Variants in THAP12 observed in about 807,000 individuals in gnomAD.
THAP12 encodes the protein THAP domain containing 12.
THAP12 carries 20 observed loss-of-function variants against 63.0 expected under a neutral mutation model. The observed-to-expected ratio is 0.32, with a 90% CI of 0.22 to 0.46. The LOEUF (loss-of-function observed/expected upper bound fraction) is 0.46. THAP12 is among the 20% of genes least tolerant of loss of function. The pLI is 1.00. For synonymous variants in THAP12, 264 were observed against 328.4 expected (o/e 0.80, Z 2.12); for missense variants, 568 against 908.2 (o/e 0.63, Z 4.81).
At chr11:76,365,779 C>A in intron 2 of THAP12, 73 bp downstream of exon 2, 1 of 1,512,836 alleles carries the variant, frequency 6.6e-7, no homozygotes, top group Non-Finnish European at 9.0e-7. Flanking sequence ...TAAATACTTA[C>A]ATTTCCAACC....
At chr11:76,360,661 A>G (rs530235193) in intron 3 of THAP12, among the ~76,000 whole-genome samples, 1 of 152,320 alleles carries the variant, frequency 6.6e-6, no homozygotes, top group East Asian at 1.9e-4. Flanking sequence ...TATGAAAGAA[A>G]AGGTAGCTTT....
intron 1 of THAP12, among the ~76,000 whole-genome samples, chr11:76,369,799 G>A (rs1946657505): frequency 6.6e-6 from 1 of 152,248 alleles, no homozygotes. Flanking sequence ...CCACCACTGG[G>A]GAAAAACGGG....
At chr11:76,358,979 A>G (rs1213750580) in intron 3 of THAP12, 5 of 152,222 alleles carry the variant, frequency 3.3e-5, no homozygotes, top group African/African-American at 1.2e-4. Context: ...CAAGACAGGC[A>G]ACAGAAAAAA....
intron 4 of THAP12, among the ~76,000 whole-genome samples, chr11:76,355,368 TGA>T (rs767821870): frequency 1.3e-5 from 2 of 152,226 alleles, no homozygotes; most frequent in Admixed American, 1.3e-4. Flanking sequence ...CCTACCACAC[TGA>T]GAGAGGAGGC....
At chr11:76,364,508 A>G (rs1478508390) in intron 2 of THAP12, 1 of 317,100 alleles carries the variant, frequency 3.2e-6, no homozygotes, top group Non-Finnish European at 6.3e-6. Context: ...GTCTATCCCA[A>G]TATCTGAGGT....
chr11:76,352,282 T>G lies in THAP12; in HGVS notation c.868A>C (p.Arg290=). Residue 290 remains arginine, a synonymous_variant, in exon 5 of 5, where the codon AGA becomes CGA. Transcript: ENST00000260045. ...VRFVDESHNL[R]EEFIGFLPYE... Reference sequence around the variant, plus strand: ...GGCAGGAAGCCTATAAATTCCTCTCTTAGGTTATGAGATTCATCAACAAAC... The same window carrying G: ...GGCAGGAAGCCTATAAATTCCTCTCGTAGGTTATGAGATTCATCAACAAAC... The G allele has an allele frequency of 4.3e-6, 7 of 1,611,856 alleles. No individual in the cohort carries two copies. Among genetic ancestry groups the G allele is most frequent in the Non-Finnish European group, 5.9e-6 (7 of 1,179,800 alleles).
chr11:76,380,648 C>A (rs1430300567), intron 1 of THAP12, 100 bp downstream of exon 1: 16 of 893,826 alleles, frequency 1.8e-5, no homozygotes, highest in Non-Finnish European at 2.2e-5. Context: ...CCGCCTCCTG[C>A]GCCCCTCTCA....
intron 3 of THAP12, 30 bp downstream of exon 3, chr11:76,360,926 G>A: frequency 7.0e-7 from 1 of 1,426,796 alleles, no homozygotes; most frequent in African/African-American, 1.4e-5. Flanking sequence ...TATGGGGGAA[G>A]GTGGGAAAGC....
chr11:76,352,493 C>A lies in THAP12; in HGVS notation c.657G>T (p.Arg219=). The A allele has an allele frequency of 6.2e-7, 1 of 1,612,026 alleles. No individual in the cohort carries two copies. The highest frequency in any genetic ancestry group is 8.5e-7 in the Non-Finnish European group (1 of 1,179,852). The change falls in exon 5 of 5, where the codon CGG becomes CGT. Residue 219 remains arginine, a synonymous_variant. Transcript: ENST00000260045. ...ACGTGTTAACTGCTGTTGTCTCAAA[C>A]CGCTTTCTCAGAACCTCTTCACCAG... ...INSGEEVLRK[R]FETTAVNTLF... is the part of the protein sequence containing the mutation.
At chr11:76,360,105 A>C (rs1946588597) in intron 3 of THAP12, among the ~76,000 whole-genome samples, 1 of 152,220 alleles carries the variant, frequency 6.6e-6, no homozygotes. Context: ...CTATAAGGAG[A>C]AAAAGTTATT....
At position 76,379,241 on chromosome 11, in the gene THAP12, A is replaced by G. The variant is rs138412265; in HGVS notation, c.89+1507T>C. 1.8e-4 allele frequency among the ~76,000 whole-genome samples: 27 copies of G among 152,268 alleles called. No homozygotes were observed. The East Asian group carries it at 4.8e-3, about 27-fold the overall frequency. On this transcript the variant is annotated intron_variant, in intron 1 of 4. Coordinates refer to ENST00000260045, the MANE Select transcript of THAP12 (RefSeq NM_004705.4). Reference sequence around the variant, plus strand: ...CACCTTCAAACCATATCTCAAATTTACCATCTCCTCCTCTATTAATCTGGA... The same window carrying G: ...CACCTTCAAACCATATCTCAAATTTGCCATCTCCTCCTCTATTAATCTGGA...
chr11:76,374,237 C>T (rs781640417), intron 1 of THAP12, among the ~76,000 whole-genome samples: 1 of 152,170 alleles, frequency 6.6e-6, no homozygotes, highest in Non-Finnish European at 1.5e-5. Context: ...GACCAATGAG[C>T]TTTTTCATGC....
chr11:76,367,224 G>A (rs2134509610), intron 1 of THAP12, among the ~76,000 whole-genome samples: 1 of 152,040 alleles, frequency 6.6e-6, no homozygotes, highest in South Asian at 2.1e-4. Flanking sequence ...TTACAGGCAT[G>A]CGTTACCACG....
Position 76,351,348 on chromosome 11 carries a change from G to C in THAP12, c.1802C>G (p.Ala601Gly). The change falls in exon 5 of 5, where the codon GCT becomes GGT. Residue 601 changes from alanine (A) to glycine (G), a missense_variant. Physicochemically the swap from Ala to Gly is moderately conservative, Grantham distance 60 (BLOSUM62 0). Transcript: ENST00000260045. ...GGGTACCAGAGATAAGCATTTAAGA[G>C]CTTTGAGGTGCTGTTCTGAGAATAT... is the stretch of plus-strand genomic sequence containing the variant. Reference protein sequence around the residue: ...KDIFSEQHLKALKCLSLVPSV... With the variant: ...KDIFSEQHLKGLKCLSLVPSV... 1 of 1,596,144 alleles carries C rather than the reference G, an allele frequency of 6.3e-7. No homozygotes were observed. The highest frequency in any genetic ancestry group is 1.1e-5 in the South Asian group (1 of 90,000).
chr11:76,377,275 C>A (rs1946717951), intron 1 of THAP12, among the ~76,000 whole-genome samples: 1 of 152,168 alleles, frequency 6.6e-6, no homozygotes, highest in Admixed American at 6.5e-5. Context: ...ATAAAACTAA[C>A]CATTTTAAAG....
chr11:76,360,891 G>A lies in THAP12; in HGVS notation c.318+65C>T, dbSNP rs1021999870. The stretch of plus-strand genomic sequence containing the variant: ...AATTTGGATTAATTTTAACATAAAT[G>A]CATCTGTATTTGATTTCATAGTATT... On this transcript the variant is annotated intron_variant, in intron 3 of 4. Transcript: ENST00000260045. The A allele has an allele frequency of 2.9e-6, 3 of 1,046,008 alleles. No homozygotes were observed. In the South Asian group the frequency reaches 4.1e-5, roughly 14 times the overall value. 64.8% of individuals were successfully genotyped at this position (1,046,008 alleles called of 1,614,324 possible). A position where few individuals can be genotyped will look rare whatever the true frequency, so the allele number is the denominator to read the frequency against.
intron 2 of THAP12, chr11:76,364,261 A>G: frequency 4.5e-6 from 1 of 221,416 alleles, no homozygotes; most frequent in Non-Finnish European, 9.3e-6. Context: ...GTTGATCATT[A>G]TTACCCTTTT....
At position 76,361,254 on chromosome 11, in the gene THAP12, T is replaced by C. The variant is rs552683931; in HGVS notation, c.211-191A>G. ...GTGCCTGCATTTGCCCTTCTGGCAATCTATTATAAATTAAGAAACTGAATT... is the reference window on the plus strand; with the variant it reads ...GTGCCTGCATTTGCCCTTCTGGCAACCTATTATAAATTAAGAAACTGAATT... On this transcript the variant is annotated intron_variant, in intron 2 of 4. Coordinates refer to ENST00000260045, the MANE Select transcript of THAP12 (RefSeq NM_004705.4). 3 of 484,554 alleles carry C rather than the reference T, an allele frequency of 6.2e-6. No homozygotes were observed. In the East Asian group the frequency reaches 1.0e-4, roughly 16 times the overall value. 30.0% of individuals were successfully genotyped at this position (484,554 alleles called of 1,614,324 possible). A position where few individuals can be genotyped will look rare whatever the true frequency, so the allele number is the denominator to read the frequency against.
Position 76,352,254 on chromosome 11 carries a change from T to C in THAP12, c.896A>G (p.Tyr299Cys), listed in dbSNP as rs1946532296. ...LREEFIGFLP[Y>C]EADAEILAVK... ...AGCCAAAATTTCTGCATCGGCTTCATAAGGCAGGAAGCCTATAAATTCCTC... is the reference window on the plus strand; with the variant it reads ...AGCCAAAATTTCTGCATCGGCTTCACAAGGCAGGAAGCCTATAAATTCCTC... The change falls in exon 5 of 5, where the codon TAT becomes TGT. Residue 299 changes from tyrosine to cysteine, a missense_variant. Transcript: ENST00000260045. 1.2e-6 allele frequency: 2 copies of C among 1,611,934 alleles called. No individual in the cohort carries two copies. Among genetic ancestry groups the C allele is most frequent in the East Asian group, 2.2e-5 (1 of 44,886 alleles).
Sources: gnomAD v4.1 joint callset for allele counts (sites outside exome capture counted in the v4.1 genomes callset) on GRCh38, gnomAD v4.1.1 for gene constraint, MANE v1.5 for transcripts, NCBI Gene and HGNC (gene_info 2026-07-23, HGNC 2026-07-21) for gene names.